The following RPS6KA2 variants were observed in gnomAD, a reference collection of about 807,000 sequenced individuals.
RPS6KA2 encodes the protein ribosomal protein S6 kinase A2.
In RPS6KA2, 42 loss-of-function variants were observed where a neutral mutation model predicts 91.8. The observed-to-expected ratio is 0.46, with a 90% CI of 0.36 to 0.59. RPS6KA2 has a LOEUF of 0.59. Among genes scored for constraint, RPS6KA2 ranks in the 20% least tolerant of loss-of-function variants. RPS6KA2 has a pLI of 0.00. For synonymous variants in RPS6KA2, 414 were observed against 393.6 expected (o/e 1.05, Z -0.61); for missense variants, 798 against 978.5 (o/e 0.82, Z 2.46).
intron 1 of RPS6KA2, among the ~76,000 whole-genome samples, chr6:166,547,005 GTGGCATGATCT>G (rs1257173306): frequency 6.6e-6 from 1 of 152,204 alleles, no homozygotes; most frequent in Admixed American, 6.5e-5. Context: ...CTGGAGTGCA[GTGGCATGATCT>G]TGGCTCACTG....
At chr6:166,677,283 G>A (rs147436194) in intron 2 of RPS6KA2, among the ~76,000 whole-genome samples, 1 of 151,754 alleles carries the variant, frequency 6.6e-6, no homozygotes, top group African/African-American at 2.4e-5. Context: ...GAGAAATAGA[G>A]ATATAAAATA....
At chr6:166,700,573 T>C (rs983387638) in intron 2 of RPS6KA2, among the ~76,000 whole-genome samples, 8 of 152,188 alleles carry the variant, frequency 5.3e-5, no homozygotes, top group African/African-American at 1.4e-4. Context: ...TTTATACCCC[T>C]GTCAACACCG....
chr6:166,719,165 G>A (rs561196589), intron 2 of RPS6KA2, among the ~76,000 whole-genome samples: 3 of 152,282 alleles, frequency 2.0e-5, no homozygotes, highest in Non-Finnish European at 2.9e-5. Flanking sequence ...CTTAGAATGC[G>A]TATTGGACAT....
At chr6:166,827,332 G>A (rs949130178) in intron 2 of RPS6KA2, among the ~76,000 whole-genome samples, 2 of 149,834 alleles carry the variant, frequency 1.3e-5, no homozygotes, top group Non-Finnish European at 3.0e-5. Flanking sequence ...GTCCAACCTC[G>A]GACTGTAGGA....
chr6:166,770,916 G>A lies in RPS6KA2; in HGVS notation c.123+87284C>T, dbSNP rs759818068. The A allele has an allele frequency of 1.3e-6, 2 of 1,595,530 alleles. No homozygotes were observed. Among genetic ancestry groups the A allele is most frequent in the Admixed American group, 1.7e-5 (1 of 59,158 alleles). ...CAGGCAGCTGAGTCACTTTTGCCCT[G>A]TGAAAATGGAAACGAAGAAAGAATT... On this transcript the variant is annotated intron_variant, in intron 2 of 21. Transcript: ENST00000503859. This position sits in a 1 kb window ranked among gnomAD's most constrained non-coding sequence, Gnocchi z 5.1.
chr6:166,416,719 TCCA>T (rs1778544192), intron 19 of RPS6KA2, among the ~76,000 whole-genome samples: 2 of 150,508 alleles, frequency 1.3e-5, no homozygotes, highest in Non-Finnish European at 3.0e-5. Context: ...AATCGTCACC[TCCA>T]CCATCCCTCC....
At chr6:166,832,407 T>G (rs1489092562) in intron 2 of RPS6KA2, among the ~76,000 whole-genome samples, 3 of 152,214 alleles carry the variant, frequency 2.0e-5, no homozygotes, top group Non-Finnish European at 4.4e-5. Flanking sequence ...TTGAATCTAC[T>G]TCTGACAGAC....
chr6:166,565,666 C>T (rs1277293132), intron 1 of RPS6KA2, among the ~76,000 whole-genome samples: 3 of 152,298 alleles, frequency 2.0e-5, no homozygotes, highest in South Asian at 4.1e-4. Context: ...TCTTGGACAC[C>T]GGGGGCCAGT....
At chr6:166,484,933 A>G (rs571007312) in intron 10 of RPS6KA2, among the ~76,000 whole-genome samples, 1 of 152,256 alleles carries the variant, frequency 6.6e-6, no homozygotes, top group South Asian at 2.1e-4. Flanking sequence ...CGAGAATTCA[A>G]GTCAGATAAT....
intron 2 of RPS6KA2, among the ~76,000 whole-genome samples, chr6:166,734,694 C>T (rs1331081085): frequency 6.6e-6 from 1 of 152,124 alleles, no homozygotes; most frequent in East Asian, 1.9e-4. Flanking sequence ...GACAATGTGC[C>T]TTATTCAACA....
At chr6:166,699,716 A>G (rs1225910191) in intron 2 of RPS6KA2, among the ~76,000 whole-genome samples, 1 of 152,228 alleles carries the variant, frequency 6.6e-6, no homozygotes, top group Non-Finnish European at 1.5e-5. Context: ...ATCAAAGGTC[A>G]TATGTTTTCA....
intron 2 of RPS6KA2, among the ~76,000 whole-genome samples, chr6:166,646,293 T>G (rs1335984801): frequency 6.6e-6 from 1 of 151,850 alleles, no homozygotes; most frequent in African/African-American, 2.4e-5. Flanking sequence ...CTGGGAGAGG[T>G]AAGTCTAGAC....
In RPS6KA2 at chr6:166,437,310, C is replaced by T. The variant is rs9348131; in HGVS notation, c.1333-4820G>A. On this transcript the variant is annotated intron_variant, in intron 14 of 20. Transcript: ENST00000265678. This position sits in a 1 kb window ranked among gnomAD's most constrained non-coding sequence, Gnocchi z 4.3. ...TCTTATTAGAGCAAGCTCTGGTGGA[C>T]GGCGTTCCTCATTCTGAGAATAATA... 0.31 allele frequency among the ~76,000 whole-genome samples: 47,498 copies of T among 152,046 alleles called. 10,845 individuals are homozygous for T. The highest frequency in any genetic ancestry group is 0.65 in the African/African-American group (26,796 of 41,428).
intron 2 of RPS6KA2, among the ~76,000 whole-genome samples, chr6:166,785,939 G>A (rs1205184369): frequency 6.6e-6 from 1 of 152,128 alleles, no homozygotes; most frequent in Non-Finnish European, 1.5e-5. Flanking sequence ...AATAAAAATA[G>A]CAGATAATAA....
intron 2 of RPS6KA2, among the ~76,000 whole-genome samples, chr6:166,802,264 C>T (rs1313293953): frequency 3.4e-5 from 5 of 147,700 alleles, no homozygotes; most frequent in East Asian, 2.0e-4. Context: ...AGTGAGACTC[C>T]GTCTCAAAAT....
At chr6:166,649,575 A>G (rs147061822) in intron 2 of RPS6KA2, among the ~76,000 whole-genome samples, 30 of 152,308 alleles carry the variant, frequency 2.0e-4, no homozygotes, top group African/African-American at 6.5e-4. Context: ...TCTGAGGCCA[A>G]TGGTCTTTTA....
At chr6:166,569,623 T>C (rs1784622265) in intron 1 of RPS6KA2, among the ~76,000 whole-genome samples, 1 of 152,146 alleles carries the variant, frequency 6.6e-6, no homozygotes, top group South Asian at 2.1e-4. Context: ...CCAGGACTCC[T>C]CTATGGGCAG....
chr6:166,698,662 C>G (rs916571700), intron 2 of RPS6KA2, among the ~76,000 whole-genome samples: 1 of 152,172 alleles, frequency 6.6e-6, no homozygotes, highest in Non-Finnish European at 1.5e-5. Flanking sequence ...TGAAGGGCAA[C>G]TTCCGTTGAA....
Position 166,732,358 on chromosome 6 carries a change from G to C in RPS6KA2, c.123+125842C>G, listed in dbSNP as rs1169361163. Reference sequence around the variant, plus strand: ...CTCAGAAAAGTCCACCATGAAGCCAGTGGCACATGGGGTCTGATTATTGGA... The same window carrying C: ...CTCAGAAAAGTCCACCATGAAGCCACTGGCACATGGGGTCTGATTATTGGA... On this transcript the variant is annotated intron_variant, in intron 2 of 21. Coordinates refer to the RPS6KA2 transcript ENST00000503859. This position sits in a 1 kb window ranked among gnomAD's most constrained non-coding sequence, Gnocchi z 4.0. 6.6e-6 allele frequency among the ~76,000 whole-genome samples: 1 copy of C among 152,180 alleles called. No individual in the cohort carries two copies. Among genetic ancestry groups the C allele is most frequent in the East Asian group, 1.9e-4 (1 of 5,188 alleles).
Sources: gnomAD v4.1 joint callset for allele counts (sites outside exome capture counted in the v4.1 genomes callset) on GRCh38, gnomAD v4.1.1 for gene constraint, Gnocchi (gnomAD v3.1) non-coding constraint, MANE v1.5 for transcripts, NCBI Gene and HGNC (gene_info 2026-07-23, HGNC 2026-07-21) for gene names.